The following CSMD3 variants were observed in gnomAD, a reference collection of about 807,000 sequenced individuals.
The protein encoded by CSMD3 is CUB and Sushi multiple domains 3, also known as CUB and sushi domain-containing protein 3.
Under a neutral mutation model 435.2 loss-of-function variants are expected in CSMD3, and 177 were observed. The ratio of observed to expected loss-of-function variants is 0.41; its 90% CI spans 0.36 to 0.46. CSMD3 has a LOEUF of 0.46. Among genes scored for constraint, CSMD3 ranks in the 20% least tolerant of loss-of-function variants. The probability of loss-of-function intolerance (pLI) is 0.34; values close to 1 mark genes in which losing one functional copy is unlikely to be tolerated. For missense variants in CSMD3, 4,265 were observed against 4,504.6 expected, an observed-to-expected ratio of 0.95 and a Z score of 1.52; for synonymous variants, 1,656 against 1,520.5, an observed-to-expected ratio of 1.09 and a Z score of -2.07.
intron 5 of CSMD3, among the ~76,000 whole-genome samples, chr8:113,061,598 C>T (rs1488279116): frequency 3.3e-5 from 5 of 151,988 alleles, no homozygotes; most frequent in Non-Finnish European, 7.4e-5. Flanking sequence ...AGACTTTTGT[C>T]ATTAAACTGT....
intron 1 of CSMD3, among the ~76,000 whole-genome samples, chr8:113,417,800 A>G (rs1282677798): frequency 6.6e-6 from 1 of 152,082 alleles, no homozygotes; most frequent in Non-Finnish European, 1.5e-5. Context: ...TTAGAACATT[A>G]ACATAGGACA....
chr8:112,545,326 A>G (rs1276348663), intron 27 of CSMD3, among the ~76,000 whole-genome samples: 1 of 151,574 alleles, frequency 6.6e-6, no homozygotes, highest in Non-Finnish European at 1.5e-5. Flanking sequence ...TACTAAAAAT[A>G]TAGAAAATTA....
chr8:113,033,609 T>C (rs905058722), intron 5 of CSMD3, among the ~76,000 whole-genome samples: 3 of 151,264 alleles, frequency 2.0e-5, no homozygotes, highest in Non-Finnish European at 4.4e-5. Flanking sequence ...GCTTTTGCTT[T>C]TGATTTTACA....
chr8:113,363,559 A>C (rs553307234), intron 1 of CSMD3, among the ~76,000 whole-genome samples: 1 of 152,030 alleles, frequency 6.6e-6, no homozygotes, highest in Non-Finnish European at 1.5e-5. Flanking sequence ...GAGTTCCCTA[A>C]CTCTTCTAGT....
At chr8:113,380,285 T>C (rs888087270) in intron 1 of CSMD3, among the ~76,000 whole-genome samples, 3 of 151,408 alleles carry the variant, frequency 2.0e-5, no homozygotes, top group African/African-American at 7.2e-5. Flanking sequence ...AGGACACTTC[T>C]TTTCAATTAA....
At chr8:112,384,248 AATG>A (rs1829741183) in intron 36 of CSMD3, among the ~76,000 whole-genome samples, 1 of 152,200 alleles carries the variant, frequency 6.6e-6, no homozygotes, top group African/African-American at 2.4e-5. Context: ...GACACAAAAA[AATG>A]ATATTTTGTA....
At chr8:113,373,729 G>A (rs1046700938) in intron 1 of CSMD3, among the ~76,000 whole-genome samples, 1 of 151,896 alleles carries the variant, frequency 6.6e-6, no homozygotes, top group Non-Finnish European at 1.5e-5. Context: ...AAAAACCTAG[G>A]GTATTTATCA....
chr8:112,985,351 G>A (rs1041808336), intron 6 of CSMD3, among the ~76,000 whole-genome samples: 1 of 151,944 alleles, frequency 6.6e-6, no homozygotes, highest in Non-Finnish European at 1.5e-5. Flanking sequence ...TGGCATGGCA[G>A]GAATGAAAAA....
chr8:113,178,150 T>C (rs953117584), intron 3 of CSMD3, among the ~76,000 whole-genome samples: 5 of 152,098 alleles, frequency 3.3e-5, no homozygotes, highest in East Asian at 1.9e-4. Flanking sequence ...AACTTCATTG[T>C]TGAGTATCAG....
chr8:112,581,080 G>T (rs1410675912), intron 23 of CSMD3, among the ~76,000 whole-genome samples: 1 of 152,056 alleles, frequency 6.6e-6, no homozygotes, highest in Non-Finnish European at 1.5e-5. Context: ...GCAGGGGCAG[G>T]CATTGTGCTG....
intron 3 of CSMD3, among the ~76,000 whole-genome samples, chr8:113,212,484 T>G (rs1232733442): frequency 6.6e-6 from 1 of 152,158 alleles, no homozygotes; most frequent in Non-Finnish European, 1.5e-5. Context: ...GGATACATAC[T>G]GAACTACAGC....
chr8:112,398,990 C>G (rs910075191), intron 35 of CSMD3, among the ~76,000 whole-genome samples: 1 of 151,564 alleles, frequency 6.6e-6, no homozygotes, highest in African/African-American at 2.4e-5. Context: ...GATCTCGGCT[C>G]ACTGCAACCT....
intron 27 of CSMD3, among the ~76,000 whole-genome samples, chr8:112,533,530 T>C (rs544613192): frequency 1.3e-5 from 2 of 152,172 alleles, no homozygotes; most frequent in East Asian, 1.9e-4. Context: ...GAATTCATTA[T>C]GTAATAATGA....
At chr8:113,393,410 A>G (rs2094469933) in intron 1 of CSMD3, among the ~76,000 whole-genome samples, 1 of 152,150 alleles carries the variant, frequency 6.6e-6, no homozygotes, top group Non-Finnish European at 1.5e-5. Flanking sequence ...TAAAAACTTA[A>G]CCCACTCTTT....
chr8:112,950,020 A>G (rs756018324), intron 8 of CSMD3, among the ~76,000 whole-genome samples: 1 of 152,016 alleles, frequency 6.6e-6, no homozygotes, highest in African/African-American at 2.4e-5. Flanking sequence ...CTTTTTAAAT[A>G]GCTTGGAGTA....
At chr8:112,288,057 T>G (rs578110945) in intron 57 of CSMD3, among the ~76,000 whole-genome samples, 2 of 133,568 alleles carry the variant, frequency 1.5e-5, no homozygotes, top group East Asian at 4.5e-4. Context: ...AGAGAAGGGT[T>G]GAAAATATAA....
At chr8:112,249,609 T>C (rs934637491) in intron 63 of CSMD3, among the ~76,000 whole-genome samples, 2 of 152,120 alleles carry the variant, frequency 1.3e-5, no homozygotes, top group African/African-American at 2.4e-5. Flanking sequence ...TTTGACCTTA[T>C]TATTCACCCA....
chr8:112,604,437 A>G (rs908340463), intron 22 of CSMD3, among the ~76,000 whole-genome samples: 1 of 152,188 alleles, frequency 6.6e-6, no homozygotes, highest in African/African-American at 2.4e-5. Context: ...AAATAGAAAT[A>G]CAGACCAATA....
intron 18 of CSMD3, among the ~76,000 whole-genome samples, chr8:112,655,419 T>C (rs930203027): frequency 6.6e-6 from 1 of 152,102 alleles, no homozygotes; most frequent in Non-Finnish European, 1.5e-5. Context: ...CATATGTAAA[T>C]TTATATGTTT....
Sources: allele counts gnomAD v4.1 joint callset (sites outside exome capture counted in the v4.1 genomes callset), GRCh38; gene constraint gnomAD v4.1.1; transcripts MANE v1.5; gene names NCBI Gene and HGNC (gene_info 2026-07-23, HGNC 2026-07-21).